Variants in SLC35F1 observed in about 807,000 individuals in gnomAD.
SLC35F1 encodes chromosome 6 open reading frame 169.
SLC35F1 carries 14 observed loss-of-function variants against 48.7 expected under a neutral mutation model. The ratio of observed to expected loss-of-function variants is 0.29; its 90% CI spans 0.19 to 0.45. The LOEUF (loss-of-function observed/expected upper bound fraction) is 0.45, where lower values mean the gene tolerates loss of function less well. SLC35F1 is among the 20% of genes least tolerant of loss of function. SLC35F1 has a pLI of 1.00. For synonymous variants in SLC35F1, 190 were observed against 202.2 expected (o/e 0.94, Z 0.51); for missense variants, 404 against 500.0 (o/e 0.81, Z 1.83).
At position 118,096,932 on chromosome 6, in the gene SLC35F1, A is replaced by G. The variant is rs140899099; in HGVS notation, c.174-57513A>G. Among the ~76,000 whole-genome samples, 581 of 152,282 alleles carry G rather than the reference A, an allele frequency of 3.8e-3. 4 individuals are homozygous for G. The highest frequency in any genetic ancestry group is 0.013 in the African/African-American group (538 of 41,558). ...ACAGAATTGATCATGGAATCCTATC[A>G]GTTCCATCTCTTTAGTATTTGCAGG... On this transcript the variant is annotated intron_variant, in intron 1 of 7. Transcript: ENST00000360388.
chr6:118,188,861 G>A (rs1195293450), intron 2 of SLC35F1, among the ~76,000 whole-genome samples: 4 of 152,080 alleles, frequency 2.6e-5, no homozygotes, highest in Non-Finnish European at 5.9e-5. Context: ...TCATATGATA[G>A]TTTTATTTCT....
At chr6:118,274,937 CTGTT>C (rs1775902605) in intron 4 of SLC35F1, among the ~76,000 whole-genome samples, 1 of 152,154 alleles carries the variant, frequency 6.6e-6, no homozygotes, top group South Asian at 2.1e-4. Context: ...TATACTGATT[CTGTT>C]TGTTCTATGC....
intron 1 of SLC35F1, among the ~76,000 whole-genome samples, chr6:118,093,384 G>A (rs1040479776): frequency 6.6e-6 from 1 of 152,170 alleles, no homozygotes; most frequent in Admixed American, 6.5e-5. Flanking sequence ...TGGTTTGGCT[G>A]TGTCCCCATC....
intron 2 of SLC35F1, among the ~76,000 whole-genome samples, chr6:118,174,240 A>T (rs1397436440): frequency 6.6e-6 from 1 of 152,202 alleles, no homozygotes; most frequent in Non-Finnish European, 1.5e-5. Context: ...CAATAGAAGC[A>T]GACCCAGAGA....
intron 3 of SLC35F1, among the ~76,000 whole-genome samples, chr6:118,242,806 C>T (rs183062200): frequency 3.9e-4 from 59 of 152,260 alleles, no homozygotes; most frequent in Admixed American, 2.7e-3. Flanking sequence ...TCTTCAAACA[C>T]GATAGTTTGG....
At chr6:118,272,936 T>C (rs928155094) in intron 4 of SLC35F1, among the ~76,000 whole-genome samples, 5 of 151,198 alleles carry the variant, frequency 3.3e-5, no homozygotes, top group Admixed American at 1.3e-4. Flanking sequence ...ATAATATAAT[T>C]GGATAAAATT....
At chr6:118,256,989 A>G (rs1319898686) in intron 3 of SLC35F1, among the ~76,000 whole-genome samples, 2 of 152,182 alleles carry the variant, frequency 1.3e-5, no homozygotes, top group African/African-American at 2.4e-5. Context: ...GCCTAATACT[A>G]TGATATGTAG....
intron 1 of SLC35F1, among the ~76,000 whole-genome samples, chr6:118,115,777 A>G (rs1282612816): frequency 6.6e-6 from 1 of 152,208 alleles, no homozygotes; most frequent in Non-Finnish European, 1.5e-5. Context: ...GTAAGAGTGA[A>G]TACATGAGCA....
chr6:118,306,033 CTGTA>C (rs938970564), intron 7 of SLC35F1, among the ~76,000 whole-genome samples: 12 of 152,216 alleles, frequency 7.9e-5, no homozygotes, highest in African/African-American at 2.9e-4. Context: ...GGACCTCCTC[CTGTA>C]TGCCAGACAG....
intron 1 of SLC35F1, among the ~76,000 whole-genome samples, chr6:117,962,623 A>G (rs990697180): frequency 6.6e-6 from 1 of 152,100 alleles, no homozygotes; most frequent in Non-Finnish European, 1.5e-5. Context: ...CAATGCAGGG[A>G]AGATGTGAAC....
intron 1 of SLC35F1, among the ~76,000 whole-genome samples, chr6:117,929,441 G>A (rs1008715015): frequency 7.2e-6 from 1 of 139,716 alleles, no homozygotes; most frequent in Admixed American, 7.9e-5. Flanking sequence ...TTGTATATAT[G>A]TGTATGTATT....
At chr6:117,941,610 T>C (rs1474866768) in intron 1 of SLC35F1, among the ~76,000 whole-genome samples, 4 of 152,248 alleles carry the variant, frequency 2.6e-5, no homozygotes, top group Non-Finnish European at 5.9e-5. Context: ...CATTCTTTTC[T>C]TTTATACAAT....
chr6:118,307,194 TCTGA>T (rs766385445), intron 7 of SLC35F1, among the ~76,000 whole-genome samples: 1 of 152,264 alleles, frequency 6.6e-6, no homozygotes, highest in Admixed American at 6.5e-5. Flanking sequence ...CATTTGGCAT[TCTGA>T]CTAAGGCACT....
intron 1 of SLC35F1, among the ~76,000 whole-genome samples, chr6:117,986,642 A>G (rs574657226): frequency 3.4e-4 from 52 of 152,198 alleles, no homozygotes; most frequent in Admixed American, 4.6e-4. Context: ...GCTGACCCCA[A>G]TGCTGTGTCA....
chr6:118,268,069 G>T (rs1775800746), intron 4 of SLC35F1, among the ~76,000 whole-genome samples: 1 of 152,148 alleles, frequency 6.6e-6, no homozygotes, highest in African/African-American at 2.4e-5. Flanking sequence ...ATGAGACAAG[G>T]TCACGTTAAG....
intron 1 of SLC35F1, among the ~76,000 whole-genome samples, chr6:118,152,596 A>G (rs897149379): frequency 1.6e-4 from 24 of 152,170 alleles, no homozygotes; most frequent in African/African-American, 5.3e-4. Context: ...TTTTTTCCAC[A>G]TGGTCTCTCA....
At chr6:118,044,847 A>G (rs1356439881) in intron 1 of SLC35F1, among the ~76,000 whole-genome samples, 8 of 152,126 alleles carry the variant, frequency 5.3e-5, no homozygotes, top group African/African-American at 1.9e-4. Context: ...CTAGCACTTC[A>G]TCGTGGCTCA....
chr6:118,048,959 A>T (rs1472398784), intron 1 of SLC35F1, among the ~76,000 whole-genome samples: 4 of 152,192 alleles, frequency 2.6e-5, no homozygotes, highest in Non-Finnish European at 2.9e-5. Context: ...CCTGACTTCA[A>T]ACCTTACTAC....
chr6:118,193,107 T>C (rs954040447), intron 2 of SLC35F1, among the ~76,000 whole-genome samples: 3 of 152,182 alleles, frequency 2.0e-5, no homozygotes, highest in African/African-American at 7.2e-5. Context: ...CAAAAATCTT[T>C]CATTATCTTT....
Sources: gnomAD v4.1 joint callset for allele counts (sites outside exome capture counted in the v4.1 genomes callset) on GRCh38, gnomAD v4.1.1 for gene constraint, MANE v1.5 for transcripts, NCBI Gene and HGNC (gene_info 2026-07-23, HGNC 2026-07-21) for gene names.